ABAT: variants seen among roughly 807,000 people sequenced by gnomAD.
ABAT encodes 4-aminobutyrate aminotransferase.
A neutral mutation model predicts 64.6 loss-of-function variants in ABAT; 45 were observed. That is an observed-to-expected ratio of 0.70 (90% confidence interval 0.55 to 0.89). The LOEUF (loss-of-function observed/expected upper bound fraction) is 0.89. Ranked by LOEUF, ABAT falls within the 40% of genes least tolerant of loss-of-function variation. The probability of loss-of-function intolerance (pLI) is 0.00; values close to 1 mark genes in which losing one functional copy is unlikely to be tolerated. For missense variants in ABAT, 633 were observed against 658.4 expected, an observed-to-expected ratio of 0.96 and a Z score of 0.42; for synonymous variants, 297 against 250.5, an observed-to-expected ratio of 1.19 and a Z score of -1.75.
chr16:8,729,229 G>C (rs1184092003), intron 1 of ABAT, among the ~76,000 whole-genome samples: 2 of 152,084 alleles, frequency 1.3e-5, no homozygotes, highest in Non-Finnish European at 2.9e-5. Context: ...CTGACCCTGG[G>C]GGAGGCAGAG....
chr16:8,774,394 T>A (rs2060206784), intron 12 of ABAT, among the ~76,000 whole-genome samples: 1 of 152,134 alleles, frequency 6.6e-6, no homozygotes, highest in Non-Finnish European at 1.5e-5. Flanking sequence ...TGTTTTAATG[T>A]CTTGTGCATA....
chr16:8,777,910 G>C (rs1465189450), intron 14 of ABAT, among the ~76,000 whole-genome samples: 1 of 152,194 alleles, frequency 6.6e-6, no homozygotes, highest in Non-Finnish European at 1.5e-5. Context: ...GCTCAACTGA[G>C]TTTGAGACCA....
chr16:8,708,314 G>A (rs983335149), intron 1 of ABAT, among the ~76,000 whole-genome samples: 7 of 151,856 alleles, frequency 4.6e-5, no homozygotes, highest in Non-Finnish European at 1.0e-4. Context: ...TGGCATGATC[G>A]TAGCTCACTG....
chr16:8,753,691 G>C (rs1210110287), intron 5 of ABAT, among the ~76,000 whole-genome samples: 1 of 152,182 alleles, frequency 6.6e-6, no homozygotes, highest in East Asian at 1.9e-4. Flanking sequence ...GAGAAACCCA[G>C]AGTGTTCCTT....
chr16:8,717,536 G>A (rs895713418), intron 1 of ABAT, among the ~76,000 whole-genome samples: 2 of 152,156 alleles, frequency 1.3e-5, no homozygotes, highest in African/African-American at 2.4e-5. Flanking sequence ...AACCAGACCA[G>A]CAGGTGACAG....
chr16:8,675,587 C>G (rs115627321), intron 1 of ABAT, among the ~76,000 whole-genome samples: 1 of 152,192 alleles, frequency 6.6e-6, no homozygotes, highest in Non-Finnish European at 1.5e-5. Context: ...CATCCTCTCA[C>G]CTTTCCTCAC....
At position 8,781,093 on chromosome 16, in the gene ABAT, AGAATGATGGAGGAGAT is replaced by A. The variant is rs1228898511; in HGVS notation, c.1382-209_1382-194del. ...GTGTGGAGGGAAGGAAAGGAAGAAG[AGAATGATGGAGGAGAT>A]GAATGAGGGGAGAGAGAAAGGAAAT... On this transcript the variant is annotated intron_variant, in intron 15 of 15. Transcript: ENST00000268251. The surrounding 1 kb of genome is among the most constrained non-coding windows in gnomAD (Gnocchi z 4.5). Among the ~76,000 whole-genome samples, 2 of 152,234 alleles carry A rather than the reference AGAATGATGGAGGAGAT, an allele frequency of 1.3e-5. No individual in the cohort carries two copies. Among genetic ancestry groups the A allele is most frequent in the South Asian group, 2.1e-4 (1 of 4,822 alleles).
chr16:8,778,782 A>C (rs541173685), intron 14 of ABAT, among the ~76,000 whole-genome samples: 24 of 151,932 alleles, frequency 1.6e-4, no homozygotes, highest in African/African-American at 1.7e-4. Flanking sequence ...ATCTCAAAAA[A>C]AAAAAACAAA....
intron 1 of ABAT, among the ~76,000 whole-genome samples, chr16:8,680,303 AGCACACTTCCCTAT>A (rs2057301281): frequency 6.6e-6 from 1 of 152,240 alleles, no homozygotes; most frequent in African/African-American, 2.4e-5. Flanking sequence ...TTAAATGCAT[AGCACACTTCCCTAT>A]GCACACAGTA....
At chr16:8,694,907 G>A (rs768317245) in intron 1 of ABAT, among the ~76,000 whole-genome samples, 6 of 152,182 alleles carry the variant, frequency 3.9e-5, no homozygotes, top group Admixed American at 6.5e-5. Context: ...GTTCCGGTTT[G>A]GGACACACAG....
At chr16:8,762,753 A>G (rs1318497940) in intron 6 of ABAT, among the ~76,000 whole-genome samples, 1 of 151,952 alleles carries the variant, frequency 6.6e-6, no homozygotes, top group African/African-American at 2.4e-5. Flanking sequence ...CCCTATTCTC[A>G]TGATGTGATT....
At chr16:8,702,789 C>A (rs796690553) in intron 1 of ABAT, among the ~76,000 whole-genome samples, 23 of 152,244 alleles carry the variant, frequency 1.5e-4, no homozygotes, top group African/African-American at 5.5e-4. Context: ...GTGATGTGAC[C>A]TGACTTTTGC....
At chr16:8,721,586 C>A (rs970108512) in intron 1 of ABAT, among the ~76,000 whole-genome samples, 1 of 152,130 alleles carries the variant, frequency 6.6e-6, no homozygotes, top group Non-Finnish European at 1.5e-5. Context: ...GGTTTTATAA[C>A]GCCAGCCAAT....
rs1423398322 is a variant in ABAT, at chr16:8,735,914, T to C, written c.70+105T>C. 4 of 967,534 alleles carry C rather than the reference T, an allele frequency of 4.1e-6. No homozygotes were observed. The Admixed American group carries it at 6.0e-5, about 14-fold the overall frequency. The allele number at this position is 967,534 out of a possible 1,614,324, so 59.9% of individuals were successfully genotyped here. A position where few individuals can be genotyped will look rare whatever the true frequency, so the allele number is the denominator to read the frequency against. On this transcript the variant is annotated intron_variant, in intron 2 of 15. Coordinates refer to ENST00000268251, the MANE Select transcript of ABAT (RefSeq NM_020686.6). The stretch of plus-strand genomic sequence containing the variant: ...CCTTGGGGATAAAGGGACCAGCCAG[T>C]GAGTGTTTCTGGGACTGTCCCACTG...
intron 2 of ABAT, among the ~76,000 whole-genome samples, chr16:8,740,943 G>T (rs1238235805): frequency 2.6e-5 from 4 of 152,240 alleles, no homozygotes; most frequent in African/African-American, 9.6e-5. Flanking sequence ...CTTGACCTTC[G>T]TTCTGGCCAG....
intron 1 of ABAT, among the ~76,000 whole-genome samples, chr16:8,679,711 A>G (rs1016915461): frequency 4.0e-5 from 6 of 151,876 alleles, no homozygotes; most frequent in Non-Finnish European, 7.4e-5. Flanking sequence ...GCAGAAGACA[A>G]AAGCCTCAGA....
In ABAT at chr16:8,747,409, G is replaced by T. The variant is rs188379208; in HGVS notation, c.169-699G>T. On this transcript the variant is annotated intron_variant, in intron 3 of 15. Transcript: ENST00000268251. ...TAATATAAGTGATTGTAGTTATTTT[G>T]GATAGTGTTTTGCTAACAAAACGGG... is the stretch of plus-strand genomic sequence containing the variant. 5.8e-4 allele frequency among the ~76,000 whole-genome samples: 88 copies of T among 151,998 alleles called. 2 individuals are homozygous for T. The East Asian group carries it at 0.013, about 23-fold the overall frequency.
rs1320375468 is a variant in ABAT at position 8,781,230 on chromosome 16, A to G, written c.1382-79A>G. The stretch of plus-strand genomic sequence containing the variant: ...GGATGGATGGATGAGCGTTGCCAAC[A>G]GGCATCACTTTCCCCCCAGCTCTCC... On this transcript the variant is annotated intron_variant, in intron 15 of 15. Coordinates refer to ENST00000268251, the MANE Select transcript of ABAT (RefSeq NM_020686.6). This position sits in a 1 kb window ranked among gnomAD's most constrained non-coding sequence, Gnocchi z 4.5. 1 of 1,602,026 alleles carries G rather than the reference A, an allele frequency of 6.2e-7. No individual in the cohort carries two copies.
intron 5 of ABAT, among the ~76,000 whole-genome samples, chr16:8,755,058 C>G (rs998010718): frequency 6.6e-6 from 1 of 152,152 alleles, no homozygotes; most frequent in African/African-American, 2.4e-5. Flanking sequence ...CTTTGGGGCA[C>G]AGTTTCAGCT....
Sources: gnomAD v4.1 joint callset for allele counts (sites outside exome capture counted in the v4.1 genomes callset) on GRCh38, gnomAD v4.1.1 for gene constraint, Gnocchi (gnomAD v3.1) non-coding constraint, MANE v1.5 for transcripts, NCBI Gene and HGNC (gene_info 2026-07-23, HGNC 2026-07-21) for gene names.